Variants in ANXA8 observed in about 807,000 individuals in gnomAD.
ANXA8 encodes VAC-beta.
Under a neutral mutation model 26.8 loss-of-function variants are expected in ANXA8, and 9 were observed. The ratio of observed to expected loss-of-function variants is 0.34; its 90% CI spans 0.20 to 0.59. ANXA8 has a LOEUF of 0.59. ANXA8 is among the 20% of genes least tolerant of loss of function. The pLI, the probability that ANXA8 is intolerant of heterozygous loss-of-function variation, is 0.84. For synonymous variants in ANXA8, 39 were observed against 94.8 expected (o/e 0.41, Z 3.42); for missense variants, 83 against 238.5 (o/e 0.35, Z 4.29).
the ANXA8 span, chr10:47,502,440 C>A: frequency 6.2e-7 from 1 of 1,612,130 alleles, no homozygotes; most frequent in Non-Finnish European, 8.5e-7. Context: ...TCCACCATTC[C>A]TTCTCTTCCC....
the ANXA8 span, among the ~76,000 whole-genome samples, chr10:47,718,121 C>T: frequency 6.6e-6 from 1 of 152,196 alleles, no homozygotes; most frequent in Non-Finnish European, 1.5e-5. Flanking sequence ...GCCCATGTAA[C>T]AAACCTGCAC....
chr10:47,681,921 G>A, the ANXA8 span, among the ~76,000 whole-genome samples: 2 of 117,000 alleles, frequency 1.7e-5, no homozygotes, highest in South Asian at 3.0e-4. Flanking sequence ...TTTCTTCTTC[G>A]ACCTTAGGCG....
chr10:47,555,293 A>G, the ANXA8 span, among the ~76,000 whole-genome samples: 2 of 151,500 alleles, frequency 1.3e-5, no homozygotes, highest in East Asian at 3.9e-4. Context: ...GTGGTATAGC[A>G]TCGGTGACTC....
At chr10:47,510,845 A>G in the ANXA8 span, among the ~76,000 whole-genome samples, 374 of 125,868 alleles carry the variant, frequency 3.0e-3, 32 homozygotes, top group Middle Eastern at 0.017. Context: ...AAAAAAAAAA[A>G]AAAGAAAGAA....
At chr10:47,586,869 A>AG in the ANXA8 span, among the ~76,000 whole-genome samples, 1 of 146,234 alleles carries the variant, frequency 6.8e-6, no homozygotes, top group Non-Finnish European at 1.5e-5. Context: ...GTTTTTGAGC[A>AG]GGGGGTCACT....
the ANXA8 span, among the ~76,000 whole-genome samples, chr10:47,967,608 A>ATGACCAGCTGCTGT: frequency 2.6e-3 from 224 of 87,004 alleles, no homozygotes; most frequent in African/African-American, 9.0e-3. Context: ...CCAGCCAGTC[A>ATGACCAGCTGCTGT]CAGGGCCAGG....
chr10:47,665,721 T>C, the ANXA8 span, among the ~76,000 whole-genome samples: 1 of 151,024 alleles, frequency 6.6e-6, no homozygotes, highest in African/African-American at 2.5e-5. Flanking sequence ...TTACATTTAT[T>C]CCTTTCCTTT....
At chr10:47,477,282 T>G in intron 3 of ANXA8, 88 bp from the exon 4 acceptor site, 1 of 1,586,184 alleles carries the variant, frequency 6.3e-7, no homozygotes, top group Non-Finnish European at 8.6e-7. Context: ...GTCCAGGGGC[T>G]TGGGCTGGAT....
the ANXA8 span, among the ~76,000 whole-genome samples, chr10:47,881,693 A>ATG: frequency 8.6e-5 from 5 of 58,370 alleles, no homozygotes; most frequent in Non-Finnish European, 1.9e-4. Context: ...GTGTGTGAGC[A>ATG]TGCGTGTGTG....
the ANXA8 span, among the ~76,000 whole-genome samples, chr10:47,572,648 C>A: frequency 4.6e-4 from 67 of 146,036 alleles, 1 homozygote; most frequent in East Asian, 0.011. Flanking sequence ...ACCTGGAAGG[C>A]AGAGGTTGCA....
the ANXA8 span, among the ~76,000 whole-genome samples, chr10:47,952,471 AT>A: frequency 6.7e-6 from 1 of 149,938 alleles, no homozygotes; most frequent in Admixed American, 6.6e-5. Context: ...AATTGTGGCA[AT>A]TTGGAAGATT....
At chr10:47,487,217 T>C, upstream of ANXA8, 2 of 1,010,924 alleles carry the variant, frequency 2.0e-6, no homozygotes, top group Admixed American at 2.5e-5. Context: ...CAGCGCTCAA[T>C]GTACACATGT....
upstream of ANXA8, chr10:47,487,381 T>C: frequency 4.2e-6 from 4 of 961,210 alleles, no homozygotes; most frequent in Non-Finnish European, 6.0e-6. Flanking sequence ...CCCTGACTCC[T>C]GGGCTTTCTT....
chr10:47,707,625 G>A, the ANXA8 span, among the ~76,000 whole-genome samples: 8 of 137,616 alleles, frequency 5.8e-5, no homozygotes, highest in South Asian at 2.4e-4. Context: ...GAGCTCAAGC[G>A]ATCCTCTTGT....
chr10:47,762,835 C>T, the ANXA8 span: 28 of 1,383,736 alleles, frequency 2.0e-5, no homozygotes, highest in Non-Finnish European at 2.5e-5. Flanking sequence ...GGCCGCAGTC[C>T]CGCCCCAGCC....
the ANXA8 span, among the ~76,000 whole-genome samples, chr10:47,495,659 AGAG>A: frequency 0.052 from 6,035 of 115,672 alleles, 105 homozygotes; most frequent in East Asian, 0.16. Context: ...CTGAGGAGGA[AGAG>A]GAGGAGGAGG....
At chr10:47,941,387 G>T in the ANXA8 span, among the ~76,000 whole-genome samples, 86 of 146,804 alleles carry the variant, frequency 5.9e-4, 4 homozygotes, top group Middle Eastern at 6.9e-3. Context: ...GGGTGTGGTG[G>T]CTCACGTCTG....
chr10:47,723,389 TC>T, the ANXA8 span, among the ~76,000 whole-genome samples: 22 of 64,864 alleles, frequency 3.4e-4, no homozygotes, highest in African/African-American at 1.2e-3. Context: ...ATACTCTCTC[TC>T]CCCTATTATG....
chr10:47,660,100 C>G, the ANXA8 span, among the ~76,000 whole-genome samples: 5 of 146,934 alleles, frequency 3.4e-5, no homozygotes, highest in Non-Finnish European at 5.9e-5. Context: ...CTTAGGCAAG[C>G]TACTTAACCT....
Sources: gnomAD v4.1 joint callset for allele counts (sites outside exome capture counted in the v4.1 genomes callset) on GRCh38, gnomAD v4.1.1 for gene constraint, MANE v1.5 for transcripts, NCBI Gene and HGNC (gene_info 2026-07-23, HGNC 2026-07-21) for gene names.